LAMB4: variants seen among roughly 807,000 people sequenced by gnomAD.
The protein encoded by LAMB4 is laminin subunit beta 4, also known as laminin subunit beta-4.
LAMB4 carries 196 observed loss-of-function variants against 199.2 expected under a neutral mutation model. That is an observed-to-expected ratio of 0.98 (90% confidence interval 0.88 to 1.11). LAMB4 has a LOEUF of 1.11. LAMB4 is among the 50% of genes least tolerant of loss of function. The pLI is 0.00. For synonymous variants in LAMB4, 744 were observed against 770.6 expected, an observed-to-expected ratio of 0.97 and a Z score of 0.57; for missense variants, 2,080 against 2,171.2, an observed-to-expected ratio of 0.96 and a Z score of 0.83.
intron 33 of LAMB4, among the ~76,000 whole-genome samples, 171 bp from the exon 34 acceptor site, chr7:108,024,349 C>T (rs765225412): frequency 2.6e-5 from 4 of 152,184 alleles, no homozygotes; most frequent in Non-Finnish European, 5.9e-5. Flanking sequence ...AAGGTTTTCA[C>T]ATAAATTAGA....
At chr7:108,052,381 C>T in intron 25 of LAMB4, 124 bp from the exon 26 acceptor site, 3 of 653,376 alleles carry the variant, frequency 4.6e-6, no homozygotes, top group Non-Finnish European at 7.4e-6. Context: ...TCCTTCTACT[C>T]GAGTTTTTCA....
downstream of LAMB4, among the ~76,000 whole-genome samples, chr7:108,020,280 T>C (rs2034663344): frequency 6.6e-6 from 1 of 151,940 alleles, no homozygotes; most frequent in East Asian, 1.9e-4. Context: ...AAAACCAGCC[T>C]GGCCAACATG....
intron 21 of LAMB4, among the ~76,000 whole-genome samples, chr7:108,065,550 ATAGCTCAG>A (rs1290575585): frequency 1.3e-5 from 2 of 152,188 alleles, no homozygotes; most frequent in Non-Finnish European, 2.9e-5. Flanking sequence ...GCAAACAATC[ATAGCTCAG>A]TGGCTGATGA....
chr7:108,048,085 T>C lies in LAMB4; in HGVS notation c.4149A>G (p.Pro1383=). ...EKVCGDPGNV[P]CVPLPCGGAL... Reference sequence around the variant, plus strand: ...CACCGCCACAGGGCAAGGGCACACATGGCACATTTCCTGGATCTCCGCACA... The same window carrying C: ...CACCGCCACAGGGCAAGGGCACACACGGCACATTTCCTGGATCTCCGCACA... The change falls in exon 28 of 34, where the codon CCA becomes CCG. Residue 1383 remains proline, a synonymous_variant. Transcript: ENST00000388781. 1 of 1,613,044 alleles carries C rather than the reference T, an allele frequency of 6.2e-7. No homozygotes were observed. Among genetic ancestry groups the C allele is most frequent in the Non-Finnish European group, 8.5e-7 (1 of 1,179,798 alleles).
chr7:108,033,865 T>C (rs2035133024), intron 31 of LAMB4, among the ~76,000 whole-genome samples: 1 of 151,942 alleles, frequency 6.6e-6, no homozygotes, highest in Non-Finnish European at 1.5e-5. Flanking sequence ...AGTCTATTCC[T>C]TTCCCTGGTA....
At chr7:108,088,145 A>G (rs114137110) in intron 14 of LAMB4, among the ~76,000 whole-genome samples, 2,024 of 150,258 alleles carry the variant, frequency 0.013, 34 homozygotes, top group African/African-American at 0.046. Flanking sequence ...ATCACATTCC[A>G]TGCAAAGCTG....
At chr7:108,039,927 A>G (rs2035363046) in intron 29 of LAMB4, among the ~76,000 whole-genome samples, 1 of 152,226 alleles carries the variant, frequency 6.6e-6, no homozygotes, top group Non-Finnish European at 1.5e-5. Context: ...CAATCAGGCA[A>G]AAGAAAGAAC....
intron 26 of LAMB4, among the ~76,000 whole-genome samples, chr7:108,051,525 T>C (rs749834430): frequency 2.0e-5 from 3 of 152,212 alleles, no homozygotes; most frequent in Non-Finnish European, 4.4e-5. Flanking sequence ...GATGAACTAA[T>C]CAAAAGTTTT....
At chr7:108,083,530 G>A (rs2037040559) in intron 14 of LAMB4, among the ~76,000 whole-genome samples, 1 of 152,172 alleles carries the variant, frequency 6.6e-6, no homozygotes, top group South Asian at 2.1e-4. Flanking sequence ...ATGGTCATGC[G>A]ATTTTGGGAT....
At chr7:108,061,484 A>G (rs999196119) in intron 23 of LAMB4, among the ~76,000 whole-genome samples, 1 of 152,042 alleles carries the variant, frequency 6.6e-6, no homozygotes, top group African/African-American at 2.4e-5. Context: ...CACACCTGTA[A>G]TCTTAGCAAT....
In LAMB4 at chr7:108,066,607, G is replaced by A. The variant is rs564750674; in HGVS notation, c.2447-7C>T. On this transcript the variant is annotated splice_region_variant and splice_polypyrimidine_tract_variant and intron_variant, in intron 19 of 33. Transcript: ENST00000388781. ...TGAGGATGGCAGTGACATGCTGGAT[G>A]AAGCAAAGAGAAGTATGCTGGAGCG... 1.5e-5 allele frequency: 24 copies of A among 1,556,376 alleles called. No individual in the cohort carries two copies. The highest frequency in any genetic ancestry group is 2.1e-5 in the Non-Finnish European group (24 of 1,134,634).
At position 108,111,399 on chromosome 7, in the gene LAMB4, G is replaced by A. The variant is rs527365135; in HGVS notation, c.328+412C>T. Among the ~76,000 whole-genome samples the A allele has an allele frequency of 1.6e-4, 25 of 152,342 alleles. No homozygotes were observed. In the South Asian group the frequency reaches 5.2e-3, roughly 32 times the overall value. ...AATGTTCTTTTCTCTTTCCCTTCAT[G>A]TGTTGAAGGAAAAAGCACTTGGCGC... On this transcript the variant is annotated intron_variant, in intron 4 of 33. Coordinates refer to ENST00000388781, the MANE Select transcript of LAMB4 (RefSeq NM_007356.3).
At chr7:108,104,244 C>A (rs1428718160) in intron 9 of LAMB4, among the ~76,000 whole-genome samples, 1 of 152,150 alleles carries the variant, frequency 6.6e-6, no homozygotes, top group East Asian at 1.9e-4. Context: ...CTCCATCCCT[C>A]TACTAGAAGG....
At chr7:108,060,880 G>C (rs2036136659) in intron 23 of LAMB4, among the ~76,000 whole-genome samples, 1 of 152,214 alleles carries the variant, frequency 6.6e-6, no homozygotes, top group Admixed American at 6.5e-5. Context: ...TACTCCTTAA[G>C]TAGGTTGCAC....
chr7:108,041,192 T>A (rs917060369), intron 29 of LAMB4, among the ~76,000 whole-genome samples: 1 of 152,040 alleles, frequency 6.6e-6, no homozygotes, highest in Non-Finnish European at 1.5e-5. Context: ...AAAACCACAA[T>A]GAGGTACCAT....
intron 32 of LAMB4, 40 bp downstream of exon 32, chr7:108,030,766 C>T (rs774903369): frequency 1.3e-6 from 2 of 1,588,692 alleles, no homozygotes; most frequent in Non-Finnish European, 1.7e-6. Flanking sequence ...CAAAGAAGCC[C>T]TGCTTTTCTG....
intron 16 of LAMB4, among the ~76,000 whole-genome samples, chr7:108,077,993 G>A (rs944785102): frequency 1.3e-5 from 2 of 152,134 alleles, no homozygotes; most frequent in African/African-American, 2.4e-5. Context: ...TTCATCTAAC[G>A]AAGACAAAAC....
chr7:108,089,268 G>A (rs1284924506), intron 14 of LAMB4, among the ~76,000 whole-genome samples: 4 of 152,138 alleles, frequency 2.6e-5, no homozygotes, highest in African/African-American at 7.2e-5. Context: ...CAGCATGACA[G>A]AAGGCTTCAA....
intron 14 of LAMB4, among the ~76,000 whole-genome samples, chr7:108,083,814 G>A (rs2037052516): frequency 6.6e-6 from 1 of 152,184 alleles, no homozygotes; most frequent in Non-Finnish European, 1.5e-5. Flanking sequence ...GGTAATCTGG[G>A]CTTCTTGTCA....
Sources: allele counts gnomAD v4.1 joint callset (sites outside exome capture counted in the v4.1 genomes callset), GRCh38; gene constraint gnomAD v4.1.1; transcripts MANE v1.5; gene names NCBI Gene and HGNC (gene_info 2026-07-23, HGNC 2026-07-21).